The following RAP1GAP2 variants were observed in gnomAD, a reference collection of about 807,000 sequenced individuals.
RAP1GAP2 encodes the protein RAP1 GTPase activating protein 2.
A neutral mutation model predicts 95.0 loss-of-function variants in RAP1GAP2; 27 were observed. The ratio of observed to expected loss-of-function variants is 0.28; its 90% CI spans 0.21 to 0.39. The LOEUF (loss-of-function observed/expected upper bound fraction) is 0.39. Among genes scored for constraint, RAP1GAP2 ranks in the 10% least tolerant of loss-of-function variants. The pLI is 1.00. For missense variants in RAP1GAP2, 771 were observed against 970.0 expected, an observed-to-expected ratio of 0.79 and a Z score of 2.72; for synonymous variants, 373 against 380.9, an observed-to-expected ratio of 0.98 and a Z score of 0.24.
In RAP1GAP2 at chr17:2,827,906, G is replaced by A. The variant is rs919088816; in HGVS notation, c.80+27356G>A. On this transcript the variant is annotated intron_variant, in intron 2 of 24. Transcript: ENST00000254695. This position sits in a 1 kb window ranked among gnomAD's most constrained non-coding sequence, Gnocchi z 4.1. ...GTGACGGTGGGGGCCCAGGGGGAGC[G>A]TGGCAGAGGCTCTCAGGCTGGAGGC... 6.4e-4 allele frequency among the ~76,000 whole-genome samples: 97 copies of A among 152,274 alleles called. No individual in the cohort carries two copies. Among genetic ancestry groups the A allele is most frequent in the South Asian group, 1.2e-3 (6 of 4,820 alleles).
At chr17:2,796,422 C>T, upstream of RAP1GAP2, 3 of 1,312,804 alleles carry the variant, frequency 2.3e-6, no homozygotes, top group Non-Finnish European at 3.2e-6. The surrounding 1 kb of genome is among the most constrained non-coding windows in gnomAD (Gnocchi z 4.7). Context: ...CGCTGGGCTC[C>T]CCGCCCTGCA....
Position 2,980,364 on chromosome 17 carries a change from A to G in RAP1GAP2, c.674A>G (p.Lys225Arg). 1 of 1,613,852 alleles carries G rather than the reference A, an allele frequency of 6.2e-7. No individual in the cohort carries two copies. ...SKLPSVPQIAKAFCDDAVGLR... is the reference protein window; with the variant it reads ...SKLPSVPQIARAFCDDAVGLR... ...CTTCCCAGTGTCCCTCAGATTGCAA[A>G]GGTGAGAAACCAACCCGTGAGAGAT... The change falls in exon 9 of 25, where the codon AAG (lysine) becomes AGG (arginine). Residue 225 changes from lysine (K) to arginine (R), a missense_variant and splice_region_variant. Coordinates refer to ENST00000254695, the MANE Select transcript of RAP1GAP2 (RefSeq NM_015085.5).
At chr17:2,893,284 G>A (rs1472106012) in intron 2 of RAP1GAP2, among the ~76,000 whole-genome samples, 1 of 152,050 alleles carries the variant, frequency 6.6e-6, no homozygotes, top group Non-Finnish European at 1.5e-5. Flanking sequence ...CAGGTGATCT[G>A]CCTGCCTCAG....
chr17:3,008,234 A>C lies in RAP1GAP2; in HGVS notation c.1494+89A>C. 6.4e-7 allele frequency: 1 copy of C among 1,565,526 alleles called. No homozygotes were observed. The highest frequency in any genetic ancestry group is 2.3e-5 in the East Asian group (1 of 44,296). On this transcript the variant is annotated intron_variant, in intron 17 of 24. Transcript: ENST00000254695. This position sits in a 1 kb window ranked among gnomAD's most constrained non-coding sequence, Gnocchi z 4.2. ...CCAAGGTCCATGGGATACTGATCCC[A>C]GAGCCCAAGGGCCAGCTGGAGGGGT... is the stretch of plus-strand genomic sequence containing the variant.
chr17:2,795,286 G>A (rs1420609254), upstream of RAP1GAP2, among the ~76,000 whole-genome samples: 1 of 151,932 alleles, frequency 6.6e-6, no homozygotes, highest in Non-Finnish European at 1.5e-5. Context: ...CCCAGTGTCT[G>A]TTGTAGTGTA....
Position 2,905,342 on chromosome 17 carries a change from C to G in RAP1GAP2, c.139C>G (p.Pro47Ala), listed in dbSNP as rs1401627800. ...ATLPDRPLSP[P>A]LTAPPTMKSS... is the part of the protein sequence containing the mutation. ...CCTCCCAGACCGGCCGCTCTCCCCT[C>G]CTCTCACGGCACCTCCCACCATGAA... Residue 47 changes from proline (P) to alanine (A), a missense_variant, in exon 3 of 25, where the codon CCT becomes GCT. Transcript: ENST00000254695. 1.9e-6 allele frequency: 3 copies of G among 1,613,710 alleles called. No individual in the cohort carries two copies. Among genetic ancestry groups the G allele is most frequent in the Non-Finnish European group, 2.5e-6 (3 of 1,179,780 alleles).
chr17:2,863,200 T>C (rs963243199), intron 2 of RAP1GAP2, among the ~76,000 whole-genome samples: 5 of 152,068 alleles, frequency 3.3e-5, no homozygotes, highest in African/African-American at 4.8e-5. Context: ...AGCTCATTTC[T>C]AGGGGTGAGT....
chr17:2,856,234 A>G (rs1209189866), intron 2 of RAP1GAP2, among the ~76,000 whole-genome samples: 1 of 152,192 alleles, frequency 6.6e-6, no homozygotes, highest in African/African-American at 2.4e-5. Flanking sequence ...GCGTGGGACC[A>G]ATTCCTGATT....
Position 3,027,816 on chromosome 17 carries a change from C to T in RAP1GAP2, c.2107+746C>T, listed in dbSNP as rs940409796. On this transcript the variant is annotated intron_variant, in intron 22 of 24. Coordinates refer to ENST00000254695, the MANE Select transcript of RAP1GAP2 (RefSeq NM_015085.5). This position sits in a 1 kb window ranked among gnomAD's most constrained non-coding sequence, Gnocchi z 5.2. Reference sequence around the variant, plus strand: ...AGGGGAGAGGAGGGGAGGGGAGCTGCGGCAGAAGCACCTCGGTTCAGGAGA... The same window carrying T: ...AGGGGAGAGGAGGGGAGGGGAGCTGTGGCAGAAGCACCTCGGTTCAGGAGA... Among the ~76,000 whole-genome samples, 14 of 151,208 alleles carry T rather than the reference C, an allele frequency of 9.3e-5. No homozygotes were observed. In the East Asian group the frequency reaches 2.2e-3, roughly 23 times the overall value.
chr17:2,875,620 G>C (rs1597486815), intron 2 of RAP1GAP2, among the ~76,000 whole-genome samples: 1 of 152,134 alleles, frequency 6.6e-6, no homozygotes, highest in South Asian at 2.1e-4. Flanking sequence ...GCCTCTCTGG[G>C]CCTGACCGTG....
At chr17:2,983,567 T>C (rs1489960167) in intron 10 of RAP1GAP2, among the ~76,000 whole-genome samples, 1 of 152,232 alleles carries the variant, frequency 6.6e-6, no homozygotes, top group African/African-American at 2.4e-5. Context: ...ATTAATGGTC[T>C]TCAAATTCAG....
At chr17:2,918,213 A>G (rs2042630909) in intron 3 of RAP1GAP2, among the ~76,000 whole-genome samples, 2 of 151,978 alleles carry the variant, frequency 1.3e-5, no homozygotes, top group African/African-American at 2.4e-5. Context: ...AGGCGGGCAG[A>G]TCATGAGGTC....
chr17:2,983,776 G>A (rs561464672), intron 10 of RAP1GAP2, among the ~76,000 whole-genome samples: 11 of 152,090 alleles, frequency 7.2e-5, no homozygotes, highest in African/African-American at 1.4e-4. Flanking sequence ...TGGAAGGGAC[G>A]TTCAAATTTC....
At chr17:2,795,865 C>T (rs72817361), upstream of RAP1GAP2, among the ~76,000 whole-genome samples, 13,223 of 152,118 alleles carry the variant, frequency 0.087, 913 homozygotes, top group East Asian at 0.34. Context: ...TCTAATGATA[C>T]GTATGTCTGC....
chr17:2,880,220 A>G (rs1476935247), intron 2 of RAP1GAP2, among the ~76,000 whole-genome samples: 2 of 151,744 alleles, frequency 1.3e-5, no homozygotes, highest in Non-Finnish European at 2.9e-5. Flanking sequence ...TGTGGGTGAG[A>G]GAAGGGTCTA....
In RAP1GAP2 at chr17:3,005,341, G is replaced by A. The variant is rs767493122; in HGVS notation, c.1201-28G>A. On this transcript the variant is annotated intron_variant, in intron 14 of 24. Coordinates refer to ENST00000254695, the MANE Select transcript of RAP1GAP2 (RefSeq NM_015085.5). This position sits in a 1 kb window ranked among gnomAD's most constrained non-coding sequence, Gnocchi z 5.2. Reference sequence around the variant, plus strand: ...GGCAGCGCTCGTCTCTTCCCTCCAGGTCCGTACCATGACTCTGTTTCACTC... The same window carrying A: ...GGCAGCGCTCGTCTCTTCCCTCCAGATCCGTACCATGACTCTGTTTCACTC... The A allele has an allele frequency of 6.2e-7, 1 of 1,606,996 alleles. No homozygotes were observed. The highest frequency in any genetic ancestry group is 8.5e-7 in the Non-Finnish European group (1 of 1,173,566).
chr17:2,965,789 C>T lies in RAP1GAP2; in HGVS notation c.596+146C>T. The T allele has an allele frequency of 1.5e-6, 1 of 647,848 alleles. No homozygotes were observed. The allele number at this position is 647,848 out of a possible 1,614,324, so 40.1% of individuals were successfully genotyped here. A position where few individuals can be genotyped will look rare whatever the true frequency, so the allele number is the denominator to read the frequency against. On this transcript the variant is annotated intron_variant, in intron 8 of 24. Transcript: ENST00000254695. This position sits in a 1 kb window ranked among gnomAD's most constrained non-coding sequence, Gnocchi z 4.7. Reference sequence around the variant, plus strand: ...TGACGGGGACAGGCCTGCTGGAATCCTGGGGCTGTGTCTGAAGTTGCCTAG... The same window carrying T: ...TGACGGGGACAGGCCTGCTGGAATCTTGGGGCTGTGTCTGAAGTTGCCTAG...
chr17:2,897,108 G>A (rs554376750), intron 2 of RAP1GAP2, among the ~76,000 whole-genome samples: 8 of 152,250 alleles, frequency 5.3e-5, no homozygotes, highest in East Asian at 3.9e-4. Flanking sequence ...AGGCTGAGGC[G>A]GGTAGATCGC....
chr17:2,995,532 AC>A (rs2045920531), intron 13 of RAP1GAP2, 66 bp downstream of exon 13: 1 of 1,595,330 alleles, frequency 6.3e-7, no homozygotes, highest in African/African-American at 1.3e-5. Flanking sequence ...CTCTGGTCTG[AC>A]CTGCTAAGAG....
Sources: gnomAD v4.1 joint callset for allele counts (sites outside exome capture counted in the v4.1 genomes callset) on GRCh38, gnomAD v4.1.1 for gene constraint, Gnocchi (gnomAD v3.1) non-coding constraint, MANE v1.5 for transcripts, NCBI Gene and HGNC (gene_info 2026-07-23, HGNC 2026-07-21) for gene names.